Variants in LARP1B observed in about 807,000 individuals in gnomAD.
The protein encoded by LARP1B is La ribonucleoprotein 1B.
Under a neutral mutation model 114.2 loss-of-function variants are expected in LARP1B, and 76 were observed. The observed-to-expected ratio is 0.67, with a 90% CI of 0.55 to 0.81. The LOEUF is 0.81. Ranked by LOEUF, LARP1B falls within the 30% of genes least tolerant of loss-of-function variation. The probability of loss-of-function intolerance (pLI) is 0.00; values close to 1 mark genes in which losing one functional copy is unlikely to be tolerated. For missense variants in LARP1B, 1,014 were observed against 1,075.8 expected (o/e 0.94, Z 0.80); for synonymous variants, 345 against 348.0 (o/e 0.99, Z 0.10).
At chr4:128,153,274 C>T (rs1229712871) in intron 11 of LARP1B, among the ~76,000 whole-genome samples, 1 of 151,250 alleles carries the variant, frequency 6.6e-6, no homozygotes, top group Non-Finnish European at 1.5e-5. Flanking sequence ...TGAACCACCA[C>T]GCCTGGCCTT....
intron 10 of LARP1B, among the ~76,000 whole-genome samples, chr4:128,119,100 G>A (rs1787026886): frequency 6.6e-6 from 1 of 151,914 alleles, no homozygotes; most frequent in Non-Finnish European, 1.5e-5. Context: ...GGCCAGGCTG[G>A]TCTCGAACTC....
chr4:128,122,687 A>C, intron 11 of LARP1B: 1 of 1,321,994 alleles, frequency 7.6e-7, no homozygotes, highest in Non-Finnish European at 9.6e-7. Flanking sequence ...GGTTGTGGAC[A>C]AACTATAAAT....
chr4:128,210,684 C>CT lies in LARP1B; in HGVS notation c.*635dup. The CT allele has an allele frequency of 3.1e-6, 3 of 983,134 alleles. No homozygotes were observed. The highest frequency in any genetic ancestry group is 2.4e-6 in the Non-Finnish European group (2 of 827,884). The allele number at this position is 983,134 out of a possible 1,614,324, so 60.9% of individuals were successfully genotyped here. On this transcript the variant is annotated 3_prime_UTR_variant, in exon 20 of 20. Transcript: ENST00000326639. Reference sequence around the variant, plus strand: ...ATTGTAGTTACAATGAGTATATGCACTTTTGATGCTAGGTTTTGCTTTTCT... The same window carrying CT: ...ATTGTAGTTACAATGAGTATATGCACTTTTTGATGCTAGGTTTTGCTTTTCT...
At chr4:128,202,970 A>G (rs914577917) in intron 17 of LARP1B, among the ~76,000 whole-genome samples, 1 of 152,208 alleles carries the variant, frequency 6.6e-6, no homozygotes, top group Non-Finnish European at 1.5e-5. Flanking sequence ...AGGCCGAGGC[A>G]GGCAGATCAC....
intron 11 of LARP1B, among the ~76,000 whole-genome samples, chr4:128,142,575 C>A (rs1385441447): frequency 6.6e-6 from 1 of 150,634 alleles, no homozygotes; most frequent in East Asian, 2.0e-4. Context: ...ATGGCGCGAT[C>A]TCTGCTCACT....
At position 128,141,714 on chromosome 4, in the gene LARP1B, GA is replaced by G. The variant is rs1580931287; in HGVS notation, c.1524+19527del. On this transcript the variant is annotated intron_variant, in intron 11 of 19. Coordinates refer to ENST00000326639, the MANE Select transcript of LARP1B (RefSeq NM_018078.4). ...GAGAGAACATTTCCAGTTGTTAGAT[GA>G]TTGAGACCATCAGCAAGCACGTTGT... 2.0e-5 allele frequency among the ~76,000 whole-genome samples: 3 copies of G among 152,246 alleles called. No individual in the cohort carries two copies. The East Asian group carries it at 5.8e-4, about 29-fold the overall frequency.
chr4:128,112,466 ATTTTTTTTTTTT>A (rs1174266918), intron 9 of LARP1B, among the ~76,000 whole-genome samples: 3 of 69,322 alleles, frequency 4.3e-5, no homozygotes, highest in Admixed American at 5.0e-4. Context: ...TGCTTACTCT[ATTTTTTTTTTTT>A]TTTTTTTTTT....
intron 3 of LARP1B, among the ~76,000 whole-genome samples, chr4:128,075,218 C>T (rs750152982): frequency 4.6e-5 from 7 of 151,214 alleles, no homozygotes; most frequent in Non-Finnish European, 8.9e-5. Context: ...CTTCCTACCT[C>T]GACCTCCAGA....
intron 1 of LARP1B, among the ~76,000 whole-genome samples, chr4:128,065,309 C>CTTTG (rs1269725620): frequency 9.2e-5 from 9 of 98,312 alleles, no homozygotes; most frequent in African/African-American, 3.3e-4. Context: ...TTCTTTCTTT[C>CTTTG]TTTCTTTCTC....
intron 15 of LARP1B, among the ~76,000 whole-genome samples, chr4:128,182,111 CTTTTTTTTTTT>C (rs35344280): frequency 2.7e-5 from 3 of 113,188 alleles, no homozygotes; most frequent in African/African-American, 1.0e-4. Context: ...TGCACCCGGC[CTTTTTTTTTTT>C]TTTTTTTTTG....
intron 1 of LARP1B, among the ~76,000 whole-genome samples, chr4:128,062,872 C>T (rs1038839089): frequency 2.0e-5 from 3 of 151,666 alleles, no homozygotes; most frequent in Admixed American, 2.0e-4. Context: ...ACATGTGTAA[C>T]CTGCACGTTG....
intron 13 of LARP1B, among the ~76,000 whole-genome samples, chr4:128,177,377 A>G (rs1367973404): frequency 6.6e-6 from 1 of 152,202 alleles, no homozygotes; most frequent in Non-Finnish European, 1.5e-5. Context: ...TGAATCAAAA[A>G]AAGTCGATAA....
rs1477988844 is a variant in LARP1B, at chr4:128,098,765, ATATTTTTTTT to A, written c.813+437_813+446del. Among the ~76,000 whole-genome samples the A allele has an allele frequency of 1.8e-4, 6 of 32,840 alleles. 1 individual carries two copies. Among genetic ancestry groups the A allele is most frequent in the Admixed American group, 8.6e-4 (2 of 2,318 alleles). 21.5% of individuals were successfully genotyped at this position (32,840 alleles called of 152,430 possible). ...TGTATGTGTATATATATATATATATATATTTTTTTTTTTTTTTTTTTTTTTTTTTTAAGAC... is the reference window on the plus strand; with the variant it reads ...TGTATGTGTATATATATATATATATATTTTTTTTTTTTTTTTTTTTAAGAC... On this transcript the variant is annotated intron_variant, in intron 8 of 19. Transcript: ENST00000326639.
rs748763913 is a variant in LARP1B at position 128,107,919 on chromosome 4, T to G, written c.988+606T>G. On this transcript the variant is annotated intron_variant, in intron 9 of 19. Transcript: ENST00000326639. ...ATCTTCTGAAGCTCTTGGATGTCAT[T>G]TGATCGGAATATGCAGTGGAATAGG... 1.5e-5 allele frequency: 23 copies of G among 1,536,080 alleles called. No homozygotes were observed. The South Asian group carries it at 2.6e-4, about 17-fold the overall frequency.
intron 7 of LARP1B, among the ~76,000 whole-genome samples, chr4:128,094,120 T>G (rs1776953093): frequency 6.6e-6 from 1 of 152,018 alleles, no homozygotes. Context: ...AGAGACAAGG[T>G]TTCACCACGT....
At chr4:128,114,879 A>G (rs1344383185) in intron 10 of LARP1B, 137 bp downstream of exon 10, 1 of 644,862 alleles carries the variant, frequency 1.6e-6, no homozygotes, top group Admixed American at 2.8e-5. Flanking sequence ...GTTGGCCTTC[A>G]GTAGACACTT....
chr4:128,169,566 T>C (rs1018695497), intron 12 of LARP1B, among the ~76,000 whole-genome samples: 5 of 152,078 alleles, frequency 3.3e-5, no homozygotes, highest in Admixed American at 6.6e-5. Context: ...GATTTGAGAG[T>C]TTCTTTTCTG....
chr4:128,108,807 T>C (rs1446068913), intron 9 of LARP1B: 1 of 984,654 alleles, frequency 1.0e-6, no homozygotes, highest in Admixed American at 6.1e-5. Flanking sequence ...TAGCATATAC[T>C]TTCTCTGCAG....
intron 15 of LARP1B, among the ~76,000 whole-genome samples, chr4:128,181,859 G>A (rs1033609881): frequency 7.2e-6 from 1 of 139,452 alleles, no homozygotes; most frequent in African/African-American, 2.7e-5. Flanking sequence ...AGGCTGGAGT[G>A]CAGGGGTGTG....
Sources: gnomAD v4.1 joint callset for allele counts (sites outside exome capture counted in the v4.1 genomes callset) on GRCh38, gnomAD v4.1.1 for gene constraint, MANE v1.5 for transcripts, NCBI Gene and HGNC (gene_info 2026-07-23, HGNC 2026-07-21) for gene names.